Variants in SLC41A1 observed in about 807,000 individuals in gnomAD.
SLC41A1 encodes the protein solute carrier family 41 (magnesium transporter), member 1.
In SLC41A1, 20 loss-of-function variants were observed where a neutral mutation model predicts 47.3. The observed-to-expected ratio is 0.42, with a 90% CI of 0.30 to 0.61. SLC41A1 has a LOEUF of 0.61. Among genes scored for constraint, SLC41A1 ranks in the 20% least tolerant of loss-of-function variants. The pLI, the probability that SLC41A1 is intolerant of heterozygous loss-of-function variation, is 0.17. For synonymous variants in SLC41A1, 282 were observed against 272.7 expected (o/e 1.03, Z -0.34); for missense variants, 504 against 674.1 (o/e 0.75, Z 2.79).
At chr1:205,798,920 C>T (rs760236548) in intron 5 of SLC41A1, 37 bp downstream of exon 5, 51 of 1,613,942 alleles carry the variant, frequency 3.2e-5, no homozygotes, top group African/African-American at 6.7e-5. Context: ...TTCTCTGGGG[C>T]GGCACTCCTT....
intron 2 of SLC41A1, among the ~76,000 whole-genome samples, chr1:205,808,280 G>T (rs1656062677): frequency 6.6e-6 from 1 of 152,174 alleles, no homozygotes; most frequent in Non-Finnish European, 1.5e-5. Context: ...TTAACCAACT[G>T]GTGAACCATG....
intron 2 of SLC41A1, among the ~76,000 whole-genome samples, chr1:205,801,943 T>A (rs1655890255): frequency 6.6e-6 from 1 of 152,096 alleles, no homozygotes; most frequent in Non-Finnish European, 1.5e-5. Flanking sequence ...TAAACTGGGG[T>A]TCAGACAGTA....
In SLC41A1 at chr1:205,812,933, GCC is replaced by G. The variant is rs993393470; in HGVS notation, c.-774_-773del. 3 of 985,376 alleles carry G rather than the reference GCC, an allele frequency of 3.0e-6. No individual in the cohort carries two copies. In the African/African-American group the frequency reaches 5.2e-5, roughly 17 times the overall value. 61.0% of individuals were successfully genotyped at this position (985,376 alleles called of 1,614,324 possible). ...GACAGTCCTCCTTGGCCCCCGGCGT[GCC>G]CCCCCACACCCCCAGCCAAGGCGAG... is the stretch of plus-strand genomic sequence containing the variant. On this transcript the variant is annotated 5_prime_UTR_variant, in exon 1 of 11. Coordinates refer to ENST00000367137, the MANE Select transcript of SLC41A1 (RefSeq NM_173854.6).
At position 205,813,111 on chromosome 1, in the gene SLC41A1, C is replaced by T; in HGVS notation, c.-950G>A. The T allele has an allele frequency of 3.0e-6, 3 of 985,520 alleles. No homozygotes were observed. Among genetic ancestry groups the T allele is most frequent in the South Asian group, 4.7e-5 (1 of 21,284 alleles). 61.0% of individuals were successfully genotyped at this position (985,520 alleles called of 1,614,324 possible). A position where few individuals can be genotyped will look rare whatever the true frequency, so the allele number is the denominator to read the frequency against. On this transcript the variant is annotated 5_prime_UTR_variant, in exon 1 of 11. Coordinates refer to ENST00000367137, the MANE Select transcript of SLC41A1 (RefSeq NM_173854.6). ...GCACCCGGACGGGGGACCGGGGAGC[C>T]GAGCTCACGCGCCCCCAATCGCTTC...
At position 205,791,430 on chromosome 1, in the gene SLC41A1, C is replaced by CCTAGA. The variant is rs1655623870; in HGVS notation, c.*98_*102dup. 5 of 1,372,686 alleles carry CCTAGA rather than the reference C, an allele frequency of 3.6e-6. No individual in the cohort carries two copies. The South Asian group carries it at 6.1e-5, about 17-fold the overall frequency. 85.0% of individuals were successfully genotyped at this position (1,372,686 alleles called of 1,614,324 possible). A position where few individuals can be genotyped will look rare whatever the true frequency, so the allele number is the denominator to read the frequency against. ...TGAGAATTTGGTATCAAAGTGAAGT[C>CCTAGA]CTAGAAAGAGGTGGGAGTGTGGGGT... On this transcript the variant is annotated 3_prime_UTR_variant, in exon 11 of 11. Transcript: ENST00000367137. This position sits in a 1 kb window ranked among gnomAD's most constrained non-coding sequence, Gnocchi z 4.0.
rs80313997 is a variant in SLC41A1 at position 205,805,667 on chromosome 1, G to A, written c.372+4403C>T. On this transcript the variant is annotated intron_variant, in intron 2 of 10. Transcript: ENST00000367137. ...TCATCTCTTTCCTTCTCTAACCTTG[G>A]TGTGAGGGGCTCATGGATCCCTGGT... is the stretch of plus-strand genomic sequence containing the variant. 3.9e-4 allele frequency among the ~76,000 whole-genome samples: 59 copies of A among 152,266 alleles called. 2 individuals are homozygous for A. In the East Asian group the frequency reaches 0.011, roughly 29 times the overall value.
At chr1:205,808,868 T>C (rs543983538) in intron 2 of SLC41A1, among the ~76,000 whole-genome samples, 39 of 152,344 alleles carry the variant, frequency 2.6e-4, no homozygotes, top group African/African-American at 8.9e-4. Context: ...GTGCACACAC[T>C]ATCAAGAACC....
In SLC41A1 at chr1:205,812,945, C is replaced by T. The variant is rs1656195040; in HGVS notation, c.-784G>A. The T allele has an allele frequency of 4.1e-6, 4 of 985,868 alleles. No individual in the cohort carries two copies. The South Asian group carries it at 1.4e-4, about 35-fold the overall frequency. The allele number at this position is 985,868 out of a possible 1,614,324, so 61.1% of individuals were successfully genotyped here. ...TGGCCCCCGGCGTGCCCCCCCACACCCCCAGCCAAGGCGAGCGTCCAGCCG... is the reference window on the plus strand; with the variant it reads ...TGGCCCCCGGCGTGCCCCCCCACACTCCCAGCCAAGGCGAGCGTCCAGCCG... On this transcript the variant is annotated 5_prime_UTR_variant, in exon 1 of 11. Transcript: ENST00000367137.
chr1:205,807,513 G>A (rs192973026), intron 2 of SLC41A1, among the ~76,000 whole-genome samples: 16 of 152,316 alleles, frequency 1.1e-4, no homozygotes, highest in Non-Finnish European at 1.3e-4. Context: ...GGGGTGTGGT[G>A]TGTATGCGGG....
rs985636541 is a variant in SLC41A1 at position 205,791,439 on chromosome 1, A to G, written c.*94T>C. Reference sequence around the variant, plus strand: ...GGTATCAAAGTGAAGTCCTAGAAAGAGGTGGGAGTGTGGGGTGGAGGAGGG... The same window carrying G: ...GGTATCAAAGTGAAGTCCTAGAAAGGGGTGGGAGTGTGGGGTGGAGGAGGG... On this transcript the variant is annotated 3_prime_UTR_variant, in exon 11 of 11. Transcript: ENST00000367137. This position sits in a 1 kb window ranked among gnomAD's most constrained non-coding sequence, Gnocchi z 4.0. The G allele has an allele frequency of 5.6e-6, 8 of 1,420,082 alleles. No homozygotes were observed. In the South Asian group the frequency reaches 8.3e-5, roughly 15 times the overall value. 88.0% of individuals were successfully genotyped at this position (1,420,082 alleles called of 1,614,324 possible). A position where few individuals can be genotyped will look rare whatever the true frequency, so the allele number is the denominator to read the frequency against.
intron 10 of SLC41A1, among the ~76,000 whole-genome samples, chr1:205,793,601 A>C (rs1361800498): frequency 6.6e-6 from 1 of 152,226 alleles, no homozygotes; most frequent in African/African-American, 2.4e-5. Context: ...GATAGGTGTT[A>C]ATCAATACAG....
chr1:205,798,428 GAAGT>G (rs1413434130), intron 6 of SLC41A1, among the ~76,000 whole-genome samples: 2 of 152,110 alleles, frequency 1.3e-5, no homozygotes, highest in African/African-American at 4.8e-5. Flanking sequence ...CCCTCCAAGA[GAAGT>G]AAGAATCTGC....
chr1:205,810,544 C>T lies in SLC41A1; in HGVS notation c.-103G>A. ...AACTTAGTCTTGGGGTGAACCCAGGCTTGGGCGCCGCAGGACCTCTTCCCA... is the reference window on the plus strand; with the variant it reads ...AACTTAGTCTTGGGGTGAACCCAGGTTTGGGCGCCGCAGGACCTCTTCCCA... On this transcript the variant is annotated 5_prime_UTR_variant, in exon 2 of 11. Transcript: ENST00000367137. The surrounding 1 kb of genome is among the most constrained non-coding windows in gnomAD (Gnocchi z 5.5). 2 of 1,589,148 alleles carry T rather than the reference C, an allele frequency of 1.3e-6. No individual in the cohort carries two copies. The highest frequency in any genetic ancestry group is 1.1e-5 in the South Asian group (1 of 89,522).
At chr1:205,794,788 A>C in intron 10 of SLC41A1, 82 bp downstream of exon 10, 1 of 1,580,982 alleles carries the variant, frequency 6.3e-7, no homozygotes, top group Non-Finnish European at 8.6e-7. Context: ...TTGAGTGTCT[A>C]AGAGGCCAAG....
At chr1:205,798,147 C>A in intron 6 of SLC41A1, 96 bp from the exon 7 acceptor site, 1 of 1,531,148 alleles carries the variant, frequency 6.5e-7, no homozygotes, top group Non-Finnish European at 9.0e-7. Context: ...AGATCAATAG[C>A]AAGACTACAC....
intron 10 of SLC41A1, among the ~76,000 whole-genome samples, chr1:205,792,084 T>C (rs1655639233): frequency 1.3e-5 from 2 of 152,214 alleles, no homozygotes; most frequent in Admixed American, 1.3e-4. Flanking sequence ...CATTCTGGGG[T>C]CACTCCAATT....
At chr1:205,804,540 C>G (rs999424120) in intron 2 of SLC41A1, among the ~76,000 whole-genome samples, 2 of 152,142 alleles carry the variant, frequency 1.3e-5, no homozygotes, top group African/African-American at 4.8e-5. Context: ...AGAAGGCAGC[C>G]CCAGTGAGCC....
intron 2 of SLC41A1, among the ~76,000 whole-genome samples, chr1:205,807,498 G>A (rs1033820877): frequency 2.0e-5 from 3 of 152,266 alleles, no homozygotes; most frequent in Non-Finnish European, 4.4e-5. Flanking sequence ...TGTGTGGGAT[G>A]GGTAGGGGTG....
chr1:205,812,870 G>A lies in SLC41A1; in HGVS notation c.-709C>T, dbSNP rs1553258312. 3.0e-6 allele frequency: 3 copies of A among 985,466 alleles called. No individual in the cohort carries two copies. The East Asian group carries it at 3.4e-4, about 112-fold the overall frequency. The allele number at this position is 985,466 out of a possible 1,614,324, so 61.0% of individuals were successfully genotyped here. The stretch of plus-strand genomic sequence containing the variant: ...GTGGCAGCGTGGCCCGTGGTCTCGG[G>A]GGGTGCAGGGCACCCCCTCTTCTCA... On this transcript the variant is annotated 5_prime_UTR_variant, in exon 1 of 11. Transcript: ENST00000367137.
Sources: allele counts gnomAD v4.1 joint callset (sites outside exome capture counted in the v4.1 genomes callset), GRCh38; gene constraint gnomAD v4.1.1; non-coding constraint Gnocchi (gnomAD v3.1); transcripts MANE v1.5; gene names NCBI Gene and HGNC (gene_info 2026-07-23, HGNC 2026-07-21).